MARS1: variants seen among roughly 807,000 people sequenced by gnomAD.
MARS1 encodes the protein methionyl-tRNA synthetase 1.
MARS1 carries 80 observed loss-of-function variants against 119.5 expected under a neutral mutation model. The observed-to-expected ratio is 0.67, with a 90% CI of 0.56 to 0.81. The LOEUF (loss-of-function observed/expected upper bound fraction) is 0.81. MARS1 is among the 30% of genes least tolerant of loss of function. MARS1 has a pLI of 0.00. For synonymous variants in MARS1, 418 were observed against 433.4 expected (o/e 0.96, Z 0.44); for missense variants, 945 against 1,116.5 (o/e 0.85, Z 2.19).
At chr12:57,506,486 C>T (rs1448311950) in intron 11 of MARS1, among the ~76,000 whole-genome samples, 1 of 152,062 alleles carries the variant, frequency 6.6e-6, no homozygotes, top group African/African-American at 2.4e-5. Flanking sequence ...TTGGGTGTTT[C>T]CTCATGATTT....
At chr12:57,493,380 T>C (rs1160976697) in intron 7 of MARS1, among the ~76,000 whole-genome samples, 9 of 45,906 alleles carry the variant, frequency 2.0e-4, no homozygotes, top group African/African-American at 1.0e-3. Flanking sequence ...ATATATATTA[T>C]ATAATATATT....
In MARS1 at chr12:57,489,509, C is replaced by T. The variant is rs201007223; in HGVS notation, c.365C>T (p.Thr122Ile). Residue 122 changes from threonine to isoleucine, a missense_variant, in exon 4 of 21, where the codon ACT becomes ATT. Thr to Ile is a moderately conservative substitution (Grantham distance 89). Coordinates refer to ENST00000262027, the MANE Select transcript of MARS1 (RefSeq NM_004990.4). ...CTTGGTTCAGTGCGGAGAGCCCTGA[C>T]TCACATTGACCACAGCTTGAGTCGT... ...DVLGSVRRAL[T>I]HIDHSLSRQN... The T allele has an allele frequency of 6.2e-7, 1 of 1,614,148 alleles. No homozygotes were observed. The highest frequency in any genetic ancestry group is 2.2e-5 in the East Asian group (1 of 44,886).
chr12:57,489,181 T>C, intron 2 of MARS1, 72 bp downstream of exon 2: 1 of 1,597,248 alleles, frequency 6.3e-7, no homozygotes, highest in Non-Finnish European at 8.6e-7. Context: ...TGTGGCTTTA[T>C]TTGCAGCCAT....
rs1246060805 is a variant in MARS1 at position 57,514,807 on chromosome 12, C to T, written c.2055C>T (p.Val685=). The change falls in exon 16 of 21, where the codon GTC becomes GTT. Residue 685 remains valine, a synonymous_variant. Transcript: ENST00000262027. ...ATGATCAGCGCCTGCTGGCCCATGT[C>T]ACCCTGGAGCTCCAGCACTATCACC... The part of the protein sequence containing the change: ...TPDDQRLLAH[V]TLELQHYHQL... 2.5e-6 allele frequency: 4 copies of T among 1,614,208 alleles called. No individual in the cohort carries two copies. In the Admixed American group the frequency reaches 6.7e-5, roughly 27 times the overall value.
At chr12:57,504,921 C>T (rs781545525) in intron 11 of MARS1, among the ~76,000 whole-genome samples, 2 of 151,824 alleles carry the variant, frequency 1.3e-5, no homozygotes, top group Non-Finnish European at 2.9e-5. Context: ...CCAGGCTGGT[C>T]TCGAACTCCT....
At chr12:57,488,595 C>T (rs1346280495) in intron 1 of MARS1, 1 of 1,551,122 alleles carries the variant, frequency 6.4e-7, no homozygotes, top group East Asian at 2.4e-5. Flanking sequence ...CACACACACA[C>T]GTTCCTTTCT....
intron 10 of MARS1, among the ~76,000 whole-genome samples, chr12:57,503,225 A>G (rs1187039616): frequency 6.7e-6 from 1 of 148,958 alleles, no homozygotes; most frequent in Non-Finnish European, 1.5e-5. Context: ...AAAGATCTGC[A>G]CTTGTTTCTT....
At chr12:57,490,716 C>G in intron 7 of MARS1, 72 bp downstream of exon 7, 1 of 1,237,316 alleles carries the variant, frequency 8.1e-7, no homozygotes, top group Non-Finnish European at 1.2e-6. Context: ...CAGAACCTGC[C>G]TGCTAGGTCC....
intron 10 of MARS1, among the ~76,000 whole-genome samples, chr12:57,502,205 G>A (rs1876948486): frequency 6.6e-6 from 1 of 152,158 alleles, no homozygotes; most frequent in Non-Finnish European, 1.5e-5. Flanking sequence ...TTTTTGGCCT[G>A]AGTAGATGGT....
At chr12:57,496,035 T>C (rs931239120) in intron 7 of MARS1, among the ~76,000 whole-genome samples, 1 of 152,026 alleles carries the variant, frequency 6.6e-6, no homozygotes. Context: ...GAGGGAGCAA[T>C]TTTTTGTATT....
At position 57,509,568 on chromosome 12, in the gene MARS1, A is replaced by G. The variant is rs528032303; in HGVS notation, c.1369-2130A>G. 4.6e-5 allele frequency among the ~76,000 whole-genome samples: 7 copies of G among 152,110 alleles called. No individual in the cohort carries two copies. In the South Asian group the frequency reaches 1.5e-3, roughly 32 times the overall value. On this transcript the variant is annotated intron_variant, in intron 11 of 20. Transcript: ENST00000262027. The stretch of plus-strand genomic sequence containing the variant: ...ATTACAGGCACCTGCCACCACACCC[A>G]GCTAATTTTTTTTGTATTTTTAGTA...
In MARS1 at chr12:57,508,507, G is replaced by A. The variant is rs577637817; in HGVS notation, c.1369-3191G>A. On this transcript the variant is annotated intron_variant, in intron 11 of 20. Coordinates refer to ENST00000262027, the MANE Select transcript of MARS1 (RefSeq NM_004990.4). The stretch of plus-strand genomic sequence containing the variant: ...AACCCCGTCTCTACCAAAAAAATAC[G>A]AAAACCAGTCAGGCGTGGCGGCACG... Among the ~76,000 whole-genome samples the A allele has an allele frequency of 1.8e-3, 274 of 152,320 alleles. 2 individuals are homozygous for A. The highest frequency in any genetic ancestry group is 6.4e-3 in the African/African-American group (266 of 41,572).
At chr12:57,491,432 T>G (rs1875953766) in intron 7 of MARS1, among the ~76,000 whole-genome samples, 2 of 152,214 alleles carry the variant, frequency 1.3e-5, no homozygotes, top group African/African-American at 2.4e-5. Context: ...CTTGGTGTTA[T>G]CTAGACTTCT....
intron 7 of MARS1, among the ~76,000 whole-genome samples, chr12:57,493,746 T>TATATA (rs1876325114): frequency 5.2e-4 from 2 of 3,812 alleles, no homozygotes; most frequent in Non-Finnish European, 7.7e-4. Context: ...ATATATATTA[T>TATATA]ATACATTATA....
At chr12:57,493,821 ATATTATATTATATATTATAATATATAAT>A (rs1876375120) in intron 7 of MARS1, among the ~76,000 whole-genome samples, 1 of 1,232 alleles carries the variant, frequency 8.1e-4, no homozygotes, top group Non-Finnish European at 4.2e-3. Flanking sequence ...TATATTATAT[ATATTATATTATATATTATAATATATAAT>A]ATATATATTT....
Position 57,489,300 on chromosome 12 carries a change from T to C in MARS1, c.234T>C (p.Asp78=), listed in dbSNP as rs1286546026. 6 of 1,613,960 alleles carry C rather than the reference T, an allele frequency of 3.7e-6. No individual in the cohort carries two copies. The highest frequency in any genetic ancestry group is 5.1e-6 in the Non-Finnish European group (6 of 1,180,024). The change falls in exon 3 of 21, where the codon GAT becomes GAC. Residue 78 remains aspartate (D), a synonymous_variant. Transcript: ENST00000262027. ...TTTTGTTATCTGGCTGGGAGCAAGA[T>C]GACCTCACTAACCAGTGGCTGGAAT... ...YFFLLSGWEQ[D]DLTNQWLEWE...
intron 1 of MARS1, chr12:57,488,465 T>A: frequency 8.6e-7 from 1 of 1,166,458 alleles, no homozygotes; most frequent in Non-Finnish European, 1.2e-6. Context: ...AGTAAACTGC[T>A]CTTCCCTTCC....
At chr12:57,489,815 T>G in intron 4 of MARS1, 81 bp from the exon 5 acceptor site, 1 of 1,297,820 alleles carries the variant, frequency 7.7e-7, no homozygotes. Context: ...TATAAAGTGC[T>G]CAGTAAATGT....
At chr12:57,492,669 T>TCTCACACACACACACACA (rs1217908969) in intron 7 of MARS1, among the ~76,000 whole-genome samples, 1 of 139,446 alleles carries the variant, frequency 7.2e-6, no homozygotes, top group African/African-American at 2.7e-5. Context: ...CGACTCCATT[T>TCTCACACACACACACACA]CACACACACA....
Sources: allele counts gnomAD v4.1 joint callset (sites outside exome capture counted in the v4.1 genomes callset), GRCh38; gene constraint gnomAD v4.1.1; transcripts MANE v1.5; gene names NCBI Gene and HGNC (gene_info 2026-07-23, HGNC 2026-07-21).